ANKLE2: variants seen among roughly 807,000 people sequenced by gnomAD.
ANKLE2 encodes the protein ankyrin repeat and LEM domain containing 2.
A neutral mutation model predicts 84.2 loss-of-function variants in ANKLE2; 55 were observed. That is an observed-to-expected ratio of 0.65 (90% confidence interval 0.53 to 0.82). ANKLE2 has a LOEUF of 0.82. Ranked by LOEUF, ANKLE2 falls within the 40% of genes least tolerant of loss-of-function variation. The probability of loss-of-function intolerance (pLI) is 0.00; values close to 1 mark genes in which losing one functional copy is unlikely to be tolerated. For synonymous variants in ANKLE2, 551 were observed against 486.1 expected (o/e 1.13, Z -1.76); for missense variants, 1,238 against 1,201.9 (o/e 1.03, Z -0.44).
chr12:132,741,597 T>C lies in ANKLE2; in HGVS notation c.1354-112A>G, dbSNP rs1854819075. Reference sequence around the variant, plus strand: ...TCAGTAAAGTAGAATAGTATCTTAATGCTAAAGATTTAATAAAGCTCACAC... The same window carrying C: ...TCAGTAAAGTAGAATAGTATCTTAACGCTAAAGATTTAATAAAGCTCACAC... On this transcript the variant is annotated intron_variant, in intron 6 of 12. Transcript: ENST00000357997. 4 of 1,013,576 alleles carry C rather than the reference T, an allele frequency of 3.9e-6. No homozygotes were observed. The Admixed American group carries it at 8.3e-5, about 21-fold the overall frequency. 62.8% of individuals were successfully genotyped at this position (1,013,576 alleles called of 1,614,324 possible). A position where few individuals can be genotyped will look rare whatever the true frequency, so the allele number is the denominator to read the frequency against.
intron 7 of ANKLE2, among the ~76,000 whole-genome samples, chr12:132,740,259 C>G (rs557761618): frequency 6.6e-6 from 1 of 152,226 alleles, no homozygotes; most frequent in Non-Finnish European, 1.5e-5. Context: ...CACAGCTACA[C>G]ACACTGAAGA....
chr12:132,740,649 G>A (rs563056556), intron 7 of ANKLE2, among the ~76,000 whole-genome samples: 14 of 152,076 alleles, frequency 9.2e-5, no homozygotes, highest in Admixed American at 3.9e-4. Flanking sequence ...AAGAAGAGGC[G>A]CTTCTAGAAG....
At chr12:132,746,868 T>G (rs12827540) in intron 5 of ANKLE2, among the ~76,000 whole-genome samples, 2 of 152,156 alleles carry the variant, frequency 1.3e-5, no homozygotes, top group Non-Finnish European at 2.9e-5. Flanking sequence ...TCCATCCCAG[T>G]GTATAAAACT....
In ANKLE2 at chr12:132,727,287, G is replaced by A; in HGVS notation, c.2772C>T (p.Ser924=). ...SPGRYSPVHG[S]QLRRMARLAE... is the part of the protein sequence containing the mutation. ...CCAGGCGCGCCATCCTGCGGAGCTGGCTCCCGTGCACGGGGCTGTAGCGCC... is the reference window on the plus strand; with the variant it reads ...CCAGGCGCGCCATCCTGCGGAGCTGACTCCCGTGCACGGGGCTGTAGCGCC... The change falls in exon 13 of 13, where the codon AGC becomes AGT. Residue 924 remains serine (S), a synonymous_variant. Transcript: ENST00000357997. The A allele has an allele frequency of 6.4e-7, 1 of 1,566,992 alleles. No homozygotes were observed. Among genetic ancestry groups the A allele is most frequent in the Non-Finnish European group, 8.6e-7 (1 of 1,156,418 alleles).
rs374047008 is a variant in ANKLE2 at position 132,728,127 on chromosome 12, G to A, written c.2520C>T (p.Ala840=). 9.3e-6 allele frequency: 15 copies of A among 1,612,768 alleles called. No individual in the cohort carries two copies. The highest frequency in any genetic ancestry group is 1.6e-4 in the Middle Eastern group (1 of 6,084). The part of the protein sequence containing the change: ...EPSKLDQDVL[A]ALECADVDPH... ...GGTCGACGTCTGCACATTCAAGAGC[G>A]GCCAAAACATCCTGATCGAGTTTTG... Residue 840 remains alanine (A), a synonymous_variant, in exon 12 of 13, where the codon GCC becomes GCT. Transcript: ENST00000357997.
chr12:132,735,541 G>A (rs748301094), intron 8 of ANKLE2, 29 bp from the exon 9 acceptor site: 73 of 1,589,680 alleles, frequency 4.6e-5, no homozygotes, highest in South Asian at 3.1e-4. Flanking sequence ...GTATTGAGCC[G>A]TGTCAGGCAC....
At chr12:132,729,078 T>C (rs954391029) in intron 11 of ANKLE2, among the ~76,000 whole-genome samples, 1 of 151,590 alleles carries the variant, frequency 6.6e-6, no homozygotes, top group African/African-American at 2.4e-5. Flanking sequence ...GGAGGCCGGG[T>C]GCGGTGGCTC....
chr12:132,727,223 C>G lies in ANKLE2; in HGVS notation c.*19G>C. On this transcript the variant is annotated 3_prime_UTR_variant, in exon 13 of 13. Coordinates refer to ENST00000357997, the MANE Select transcript of ANKLE2 (RefSeq NM_015114.3). The stretch of plus-strand genomic sequence containing the variant: ...CCTTCTTTAAAAATGAAGAACAAAC[C>G]GAGAGCCCAGCGCCAAGCCTACAGG... The G allele has an allele frequency of 1.3e-6, 2 of 1,523,686 alleles. No individual in the cohort carries two copies. Among genetic ancestry groups the G allele is most frequent in the Non-Finnish European group, 8.8e-7 (1 of 1,132,346 alleles). 94.4% of individuals were successfully genotyped at this position (1,523,686 alleles called of 1,614,324 possible).
At chr12:132,735,239 A>G in intron 9 of ANKLE2, 167 bp downstream of exon 9, 1 of 661,722 alleles carries the variant, frequency 1.5e-6, no homozygotes, top group Non-Finnish European at 2.6e-6. Context: ...GGCTTAAGCT[A>G]GAATTCCACA....
Position 132,735,626 on chromosome 12 carries a change from C to T in ANKLE2, c.1594-114G>A, listed in dbSNP as rs2043993395. 6 of 790,830 alleles carry T rather than the reference C, an allele frequency of 7.6e-6. No homozygotes were observed. In the East Asian group the frequency reaches 1.3e-4, roughly 17 times the overall value. 49.0% of individuals were successfully genotyped at this position (790,830 alleles called of 1,614,324 possible). A position where few individuals can be genotyped will look rare whatever the true frequency, so the allele number is the denominator to read the frequency against. On this transcript the variant is annotated intron_variant, in intron 8 of 12. Transcript: ENST00000357997. Reference sequence around the variant, plus strand: ...TGCCTGTCTCCGCACACCCTTCCTTCTCTCCCCTTCACTAGCAGATCCCTG... The same window carrying T: ...TGCCTGTCTCCGCACACCCTTCCTTTTCTCCCCTTCACTAGCAGATCCCTG...
At chr12:132,732,159 CATCCTG>C (rs2043867291) in intron 10 of ANKLE2, 1 of 143,494 alleles carries the variant, frequency 7.0e-6, no homozygotes, top group African/African-American at 2.7e-5. Flanking sequence ...AAGCGCTCTG[CATCCTG>C]GTGTCTGATA....
At position 132,761,697 on chromosome 12, in the gene ANKLE2, C is replaced by A; in HGVS notation, c.102G>T (p.Arg34=). ...LLIAVRWLVR[R]LGPRPGGLGR... The stretch of plus-strand genomic sequence containing the variant: ...CCAGACCTCCCGGCCGCGGGCCCAG[C>A]CGCCGCACCAGCCACCGCACAGCGA... Residue 34 remains arginine (R), a synonymous_variant, in exon 1 of 13, where the codon CGG becomes CGT. Transcript: ENST00000357997. 1 of 1,349,388 alleles carries A rather than the reference C, an allele frequency of 7.4e-7. No homozygotes were observed. Among genetic ancestry groups the A allele is most frequent in the South Asian group, 1.7e-5 (1 of 58,448 alleles). 83.6% of individuals were successfully genotyped at this position (1,349,388 alleles called of 1,614,324 possible).
chr12:132,744,881 C>T (rs2044202885), intron 5 of ANKLE2, among the ~76,000 whole-genome samples: 1 of 152,188 alleles, frequency 6.6e-6, no homozygotes, highest in African/African-American at 2.4e-5. Flanking sequence ...GGGGTTTCAC[C>T]GTGTTAGCCA....
intron 10 of ANKLE2, chr12:132,734,072 CT>C: frequency 2.1e-6 from 1 of 467,198 alleles, no homozygotes; most frequent in Admixed American, 2.6e-5. Context: ...CGCATCTCCA[CT>C]AAAAAAAAAA....
chr12:132,748,117 G>A (rs188446571), intron 4 of ANKLE2, 21 bp downstream of exon 4: 33 of 1,609,286 alleles, frequency 2.1e-5, no homozygotes, highest in Admixed American at 1.8e-4. Context: ...ACACCTGCCC[G>A]AGGGAACCGC....
chr12:132,735,406 C>T lies in ANKLE2; in HGVS notation c.1700G>A (p.Arg567Lys). The change falls in exon 9 of 13, where the codon AGG becomes AAG. Residue 567 changes from arginine (R) to lysine (K), a missense_variant and splice_region_variant. Physicochemically the swap from Arg to Lys is conservative, Grantham distance 26. Around this residue, in one of 3 missense-constraint regions of ANKLE2, gnomAD observed 802 missense variants for 774.5 expected, o/e 1.04. Coordinates refer to ENST00000357997, the MANE Select transcript of ANKLE2 (RefSeq NM_015114.3). ...CTGCTGCGGCTCAGCCTTTCAGTAC[C>T]TTCCCACTCTCTCAAAGCCTCTTTC... Reference protein sequence around the residue: ...DPERGFERVGRELAHELGYPW... With the variant: ...DPERGFERVGKELAHELGYPW... 6.2e-7 allele frequency: 1 copy of T among 1,613,956 alleles called. No homozygotes were observed. Among genetic ancestry groups the T allele is most frequent in the Non-Finnish European group, 8.5e-7 (1 of 1,179,842 alleles).
In ANKLE2 at chr12:132,730,043, G is replaced by A; in HGVS notation, c.2119C>T (p.His707Tyr). 1 of 1,613,114 alleles carries A rather than the reference G, an allele frequency of 6.2e-7. No individual in the cohort carries two copies. The highest frequency in any genetic ancestry group is 8.5e-7 in the Non-Finnish European group (1 of 1,179,824). ...SRNGLCHPLN[H>Y]SRTLAGKRPK... ...CTCTTGCCCGCCAGGGTCCTGCTGT[G>A]ATTCAGAGGATGGCAGAGCCCATTT... The change falls in exon 11 of 13, where the codon CAC (histidine) becomes TAC (tyrosine). Residue 707 changes from histidine to tyrosine, a missense_variant. By Grantham distance (83) the His-to-Tyr change is moderately conservative (BLOSUM62 2). Around this residue, in one of 3 missense-constraint regions of ANKLE2, gnomAD observed 802 missense variants for 774.5 expected, o/e 1.04. Transcript: ENST00000357997.
At chr12:132,736,613 C>T (rs891879833) in intron 8 of ANKLE2, among the ~76,000 whole-genome samples, 5 of 152,336 alleles carry the variant, frequency 3.3e-5, no homozygotes, top group South Asian at 4.1e-4. Context: ...CAGGGCGACA[C>T]GCGCACAGGA....
intron 6 of ANKLE2, chr12:132,742,074 T>A (rs11147041): frequency 5.8e-5 from 18 of 310,562 alleles, no homozygotes; most frequent in Middle Eastern, 1.2e-3. Flanking sequence ...TGAATGCAAC[T>A]ACATTTTTGA....
Sources: gnomAD v4.1 joint callset for allele counts (sites outside exome capture counted in the v4.1 genomes callset) on GRCh38, gnomAD v4.1.1 for gene constraint, gnomAD v4.1.1 regional missense constraint, MANE v1.5 for transcripts, NCBI Gene and HGNC (gene_info 2026-07-23, HGNC 2026-07-21) for gene names.